Variants in PPFIA2 observed in about 807,000 individuals in gnomAD.
PPFIA2 encodes the protein liprin-alpha-2.
Under a neutral mutation model 175.5 loss-of-function variants are expected in PPFIA2, and 46 were observed. That is an observed-to-expected ratio of 0.26 (90% CI 0.21 to 0.34). PPFIA2 has a LOEUF of 0.34. Ranked by LOEUF, PPFIA2 falls within the 10% of genes least tolerant of loss-of-function variation. PPFIA2 has a pLI of 1.00. For synonymous variants in PPFIA2, 568 were observed against 511.4 expected (o/e 1.11, Z -1.49); for missense variants, 1,179 against 1,506.1 (o/e 0.78, Z 3.60).
At chr12:81,521,979 A>T (rs1272954874) in intron 4 of PPFIA2, among the ~76,000 whole-genome samples, 3 of 152,200 alleles carry the variant, frequency 2.0e-5, no homozygotes, top group African/African-American at 7.2e-5. Context: ...TTTTCCAACC[A>T]AACATGATCA....
rs77213254 is a variant in PPFIA2 at position 81,537,557 on chromosome 12, G to A, written c.304-79691C>T. Among the ~76,000 whole-genome samples, 799 of 151,782 alleles carry A rather than the reference G, an allele frequency of 5.3e-3. 9 individuals carry two copies. Among genetic ancestry groups the A allele is most frequent in the African/African-American group, 0.018 (748 of 41,438 alleles). On this transcript the variant is annotated intron_variant, in intron 4 of 32. Transcript: ENST00000549396. Reference sequence around the variant, plus strand: ...TTGCCCTTCACACCAATGTTTTGTGGACCACTTACTCATCTAACCTAATAC... The same window carrying A: ...TTGCCCTTCACACCAATGTTTTGTGAACCACTTACTCATCTAACCTAATAC...
At chr12:81,607,736 C>T (rs1420547193) in intron 4 of PPFIA2, among the ~76,000 whole-genome samples, 1 of 151,960 alleles carries the variant, frequency 6.6e-6, no homozygotes, top group Non-Finnish European at 1.5e-5. Context: ...ACCATATCAT[C>T]AGTGAAGAGA....
intron 4 of PPFIA2, among the ~76,000 whole-genome samples, chr12:81,578,711 G>A (rs947248213): frequency 2.6e-5 from 4 of 151,596 alleles, no homozygotes; most frequent in African/African-American, 7.3e-5. Context: ...TAGTGAGAGC[G>A]TAGTTAAATA....
At chr12:81,294,123 G>T (rs548258569) in intron 24 of PPFIA2, among the ~76,000 whole-genome samples, 261 of 152,136 alleles carry the variant, frequency 1.7e-3, no homozygotes, top group African/African-American at 6.0e-3. Context: ...GGAAATAACA[G>T]ACATTGGAGA....
intron 4 of PPFIA2, among the ~76,000 whole-genome samples, chr12:81,669,289 T>C (rs1378166797): frequency 6.6e-6 from 1 of 152,020 alleles, no homozygotes; most frequent in Non-Finnish European, 1.5e-5. Context: ...TCCAGAATTA[T>C]TATAATACCC....
In PPFIA2 at chr12:81,693,832, A is replaced by C. The variant is rs1036248579; in HGVS notation, c.250-16988T>G. 2.6e-5 allele frequency among the ~76,000 whole-genome samples: 4 copies of C among 152,144 alleles called. No homozygotes were observed. In the East Asian group the frequency reaches 7.7e-4, roughly 29 times the overall value. On this transcript the variant is annotated intron_variant, in intron 3 of 32. Coordinates refer to ENST00000549396, the MANE Select transcript of PPFIA2 (RefSeq NM_003625.5). ...GGTGTCAAGGTCTTAGATGGAAATGAGGAACTTACAGGAACTGGAGCAAAG... is the reference window on the plus strand; with the variant it reads ...GGTGTCAAGGTCTTAGATGGAAATGCGGAACTTACAGGAACTGGAGCAAAG...
At chr12:81,405,967 A>G (rs1364773451) in intron 7 of PPFIA2, 64 bp from the exon 8 acceptor site, 2 of 869,544 alleles carry the variant, frequency 2.3e-6, no homozygotes, top group African/African-American at 3.4e-5. Flanking sequence ...AAAGAAAATG[A>G]ATTTACTTCA....
chr12:81,360,919 T>C (rs1314689734), intron 15 of PPFIA2, among the ~76,000 whole-genome samples: 1 of 151,732 alleles, frequency 6.6e-6, no homozygotes, highest in Non-Finnish European at 1.5e-5. Flanking sequence ...CAGAAAAATA[T>C]CATTTATGCA....
At chr12:81,628,393 T>G (rs1310327226) in intron 4 of PPFIA2, among the ~76,000 whole-genome samples, 1 of 149,030 alleles carries the variant, frequency 6.7e-6, no homozygotes, top group Non-Finnish European at 1.5e-5. Flanking sequence ...TTTTTTTTTT[T>G]TTTTGATATG....
intron 4 of PPFIA2, among the ~76,000 whole-genome samples, chr12:81,629,540 T>C (rs1164500290): frequency 6.6e-6 from 1 of 152,164 alleles, no homozygotes; most frequent in African/African-American, 2.4e-5. Flanking sequence ...AAGGAACTTA[T>C]GGAAGGAGTG....
intron 7 of PPFIA2, among the ~76,000 whole-genome samples, chr12:81,414,480 T>A (rs1212028727): frequency 6.6e-6 from 1 of 151,744 alleles, no homozygotes; most frequent in African/African-American, 2.4e-5. Context: ...TAAAATAAAC[T>A]ACATCTACAT....
At chr12:81,717,451 G>A (rs1021807294) in intron 3 of PPFIA2, among the ~76,000 whole-genome samples, 4 of 151,606 alleles carry the variant, frequency 2.6e-5, no homozygotes, top group African/African-American at 7.3e-5. Context: ...TTATATTAAT[G>A]AGCCTCTTTT....
chr12:81,411,295 A>G (rs2043922674), intron 7 of PPFIA2, among the ~76,000 whole-genome samples: 1 of 152,118 alleles, frequency 6.6e-6, no homozygotes, highest in Admixed American at 6.6e-5. Flanking sequence ...TAGCAAAGCT[A>G]AAGTGCTTCA....
intron 4 of PPFIA2, among the ~76,000 whole-genome samples, chr12:81,536,519 C>T (rs2065398174): frequency 6.6e-6 from 1 of 150,464 alleles, no homozygotes; most frequent in Admixed American, 6.6e-5. Context: ...AAAAAGAAAA[C>T]TTTTCCTTAA....
chr12:81,727,767 C>A (rs1161632305), intron 3 of PPFIA2, among the ~76,000 whole-genome samples: 1 of 151,254 alleles, frequency 6.6e-6, no homozygotes, highest in African/African-American at 2.4e-5. Flanking sequence ...TTCAGGTGAT[C>A]CTGATGTAAG....
intron 9 of PPFIA2, among the ~76,000 whole-genome samples, chr12:81,379,084 G>T (rs1183596717): frequency 6.6e-6 from 1 of 152,036 alleles, no homozygotes; most frequent in Non-Finnish European, 1.5e-5. Flanking sequence ...TTGTAATTTT[G>T]GTACTGCATT....
chr12:81,389,944 A>G (rs996904482), intron 8 of PPFIA2, among the ~76,000 whole-genome samples: 1 of 152,186 alleles, frequency 6.6e-6, no homozygotes, highest in African/African-American at 2.4e-5. Context: ...ATTAGCAATC[A>G]CTGACACACC....
intron 4 of PPFIA2, among the ~76,000 whole-genome samples, chr12:81,655,407 A>G (rs1281019442): frequency 6.6e-5 from 10 of 151,228 alleles, no homozygotes; most frequent in Non-Finnish European, 8.9e-5. Flanking sequence ...TTTAGCCTTT[A>G]TTTTTCTAAT....
At chr12:81,605,406 TGA>T (rs936914601) in intron 4 of PPFIA2, among the ~76,000 whole-genome samples, 28 of 150,962 alleles carry the variant, frequency 1.9e-4, no homozygotes, top group African/African-American at 6.8e-4. Flanking sequence ...AAGATGAAGG[TGA>T]GAGAGAAAAG....
Sources: allele counts gnomAD v4.1 joint callset (sites outside exome capture counted in the v4.1 genomes callset), GRCh38; gene constraint gnomAD v4.1.1; transcripts MANE v1.5; gene names NCBI Gene and HGNC (gene_info 2026-07-23, HGNC 2026-07-21).